Variants in CC2D2A observed in about 807,000 individuals in gnomAD.
The protein encoded by CC2D2A is coiled-coil and C2 domain containing 2A, also known as coiled-coil and C2 domain-containing protein 2A.
A neutral mutation model predicts 212.9 loss-of-function variants in CC2D2A; 155 were observed. The observed-to-expected ratio is 0.73, with a 90% CI of 0.64 to 0.83. The LOEUF is 0.83. CC2D2A is among the 40% of genes least tolerant of loss of function. CC2D2A has a pLI of 0.00. For synonymous variants in CC2D2A, 667 were observed against 686.5 expected (o/e 0.97, Z 0.44); for missense variants, 1,856 against 1,956.2 (o/e 0.95, Z 0.97).
At chr4:15,553,436 T>C in intron 19 of CC2D2A, 131 bp downstream of exon 19, 1 of 1,097,292 alleles carries the variant, frequency 9.1e-7, no homozygotes, top group South Asian at 1.6e-5. Flanking sequence ...AAGAGTTTTT[T>C]ATTCTTAAGG....
chr4:15,528,501 C>T lies in CC2D2A; in HGVS notation c.1360-119C>T, dbSNP rs4698395. 9 of 691,280 alleles carry T rather than the reference C, an allele frequency of 1.3e-5. No homozygotes were observed. The South Asian group carries it at 1.4e-4, about 10-fold the overall frequency. 42.8% of individuals were successfully genotyped at this position (691,280 alleles called of 1,614,324 possible). On this transcript the variant is annotated intron_variant, in intron 12 of 36. Coordinates refer to ENST00000424120, the MANE Select transcript of CC2D2A (RefSeq NM_001378615.1). ...GTCTGGAGACAGCCAGATGCTTGAA[C>T]ATCCGTTCCATTCACAGACTGATGG...
chr4:15,577,755 T>C (rs767620932), intron 29 of CC2D2A, among the ~76,000 whole-genome samples: 32 of 152,114 alleles, frequency 2.1e-4, no homozygotes, highest in Non-Finnish European at 4.1e-4. Context: ...TCAGTACTGA[T>C]TCAAGATTGT....
chr4:15,563,322 C>T (rs1192692441), intron 23 of CC2D2A, 33 bp from the exon 24 acceptor site: 5 of 1,549,844 alleles, frequency 3.2e-6, no homozygotes, highest in African/African-American at 1.4e-5. Flanking sequence ...CTTTCTTTTT[C>T]TTAGAGTCCT....
chr4:15,516,099 A>T, intron 10 of CC2D2A, 95 bp downstream of exon 10: 2 of 1,270,338 alleles, frequency 1.6e-6, no homozygotes, highest in Non-Finnish European at 2.1e-6. Flanking sequence ...CACTGTACTC[A>T]TTTCCTCTTG....
At chr4:15,566,658 G>T (rs956646941) in intron 24 of CC2D2A, among the ~76,000 whole-genome samples, 2 of 152,078 alleles carry the variant, frequency 1.3e-5, no homozygotes, top group Non-Finnish European at 2.9e-5. Flanking sequence ...AGCCACCAGG[G>T]CCATACATCT....
intron 24 of CC2D2A, among the ~76,000 whole-genome samples, chr4:15,565,053 T>C (rs945548809): frequency 6.6e-6 from 1 of 152,228 alleles, no homozygotes; most frequent in Admixed American, 6.5e-5. Flanking sequence ...TCTACAATCA[T>C]CAACTATTCC....
intron 17 of CC2D2A, among the ~76,000 whole-genome samples, chr4:15,542,091 T>C (rs773099977): frequency 1.3e-5 from 2 of 152,162 alleles, no homozygotes; most frequent in Non-Finnish European, 2.9e-5. Flanking sequence ...CTTTTGTCGC[T>C]TATAAGAACA....
chr4:15,556,581 C>T (rs1719292075), intron 20 of CC2D2A, among the ~76,000 whole-genome samples: 1 of 152,166 alleles, frequency 6.6e-6, no homozygotes, highest in South Asian at 2.1e-4. Context: ...TTGCTATGAA[C>T]CAGGATTGCC....
Position 15,555,115 on chromosome 4 carries a change from G to C in CC2D2A, c.2530G>C (p.Gly844Arg). The change falls in exon 20 of 37, where the codon GGA becomes CGA. Residue 844 changes from glycine to arginine, a missense_variant. Coordinates refer to ENST00000424120, the MANE Select transcript of CC2D2A (RefSeq NM_001378615.1). Reference sequence around the variant, plus strand: ...TGCCATCTCATCTATTGGCACATCAGGACTGACAGACATGAAAAAATTGGC... The same window carrying C: ...TGCCATCTCATCTATTGGCACATCACGACTGACAGACATGAAAAAATTGGC... The part of the protein sequence containing the change: ...ADAISSIGTS[G>R]LTDMKKLAKW... The C allele has an allele frequency of 1.9e-6, 3 of 1,613,704 alleles. No individual in the cohort carries two copies. The highest frequency in any genetic ancestry group is 2.5e-6 in the Non-Finnish European group (3 of 1,179,808).
At chr4:15,482,656 A>G (rs1714756921) in intron 4 of CC2D2A, among the ~76,000 whole-genome samples, 2 of 152,168 alleles carry the variant, frequency 1.3e-5, no homozygotes. Flanking sequence ...ATGCAGTCAG[A>G]TTGGGGGAGA....
chr4:15,516,370 A>T (rs1354428152), intron 10 of CC2D2A, among the ~76,000 whole-genome samples: 8 of 151,968 alleles, frequency 5.3e-5, no homozygotes, highest in African/African-American at 1.7e-4. Flanking sequence ...TAGAAGATAA[A>T]TTTTTCTTAA....
chr4:15,528,530 C>G, intron 12 of CC2D2A, 90 bp from the exon 13 acceptor site: 3 of 928,784 alleles, frequency 3.2e-6, no homozygotes, highest in Non-Finnish European at 5.2e-6. Context: ...CTGATGGCAC[C>G]ATTTTGCCCA....
intron 29 of CC2D2A, among the ~76,000 whole-genome samples, chr4:15,579,382 T>C (rs906965664): frequency 2.0e-5 from 3 of 152,138 alleles, no homozygotes; most frequent in Non-Finnish European, 4.4e-5. Context: ...AGAACCAAGA[T>C]GAGCAACCAG....
chr4:15,589,865 T>C (rs573752313), intron 33 of CC2D2A, among the ~76,000 whole-genome samples, 186 bp downstream of exon 33: 1 of 151,702 alleles, frequency 6.6e-6, no homozygotes, highest in Non-Finnish European at 1.5e-5. Context: ...CTGTGCTAAA[T>C]ACAACTTTTG....
intron 20 of CC2D2A, among the ~76,000 whole-genome samples, chr4:15,556,281 A>G (rs1430275235): frequency 1.3e-5 from 2 of 152,222 alleles, no homozygotes; most frequent in South Asian, 2.1e-4. Flanking sequence ...TCAATAGGAT[A>G]ATTGTAGCCG....
chr4:15,527,513 C>A lies in CC2D2A; in HGVS notation c.1216C>A (p.Leu406Met). Residue 406 changes from leucine to methionine, a missense_variant, in exon 12 of 37, where the codon CTG (leucine) becomes ATG (methionine). Leu to Met is a conservative substitution (Grantham distance 15). Around this residue, in one of 5 missense-constraint regions of CC2D2A, gnomAD observed 1,512 missense variants for 1,579.3 expected, o/e 0.96. Coordinates refer to ENST00000424120, the MANE Select transcript of CC2D2A (RefSeq NM_001378615.1). ...TGGAGACCCTCCTGGAAATTTCCAA[C>A]TGGACATTGATATTTCAGGGTTAAT... is the stretch of plus-strand genomic sequence containing the variant. Reference protein sequence around the residue: ...RSGDPPGNFQLDIDISGLIFT... With the variant: ...RSGDPPGNFQMDIDISGLIFT... 1 of 1,613,640 alleles carries A rather than the reference C, an allele frequency of 6.2e-7. No individual in the cohort carries two copies. The highest frequency in any genetic ancestry group is 1.1e-5 in the South Asian group (1 of 90,962).
chr4:15,525,155 A>C (rs1717437480), intron 11 of CC2D2A, among the ~76,000 whole-genome samples: 1 of 152,208 alleles, frequency 6.6e-6, no homozygotes, highest in African/African-American at 2.4e-5. Context: ...GATTTGTGGA[A>C]GGAGATGCAA....
chr4:15,549,044 C>G (rs1194737186), intron 17 of CC2D2A, among the ~76,000 whole-genome samples: 1 of 151,928 alleles, frequency 6.6e-6, no homozygotes, highest in South Asian at 2.1e-4. Flanking sequence ...TTAAAAATAT[C>G]TATTATAGAT....
intron 13 of CC2D2A, among the ~76,000 whole-genome samples, chr4:15,532,356 C>G (rs1452589584): frequency 6.6e-6 from 1 of 152,186 alleles, no homozygotes; most frequent in African/African-American, 2.4e-5. Context: ...CACGTACAAC[C>G]TCCAGACTTA....
Sources: gnomAD v4.1 joint callset for allele counts (sites outside exome capture counted in the v4.1 genomes callset) on GRCh38, gnomAD v4.1.1 for gene constraint, gnomAD v4.1.1 regional missense constraint, MANE v1.5 for transcripts, NCBI Gene and HGNC (gene_info 2026-07-23, HGNC 2026-07-21) for gene names.